Variants in TECRL observed in about 807,000 individuals in gnomAD.
TECRL encodes trans-2,3-enoyl-CoA reductase-like.
TECRL carries 63 observed loss-of-function variants against 52.8 expected under a neutral mutation model. The observed-to-expected ratio is 1.19, with a 90% CI of 0.97 to 1.47. TECRL has a LOEUF of 1.47. Ranked by LOEUF, TECRL falls within the 40% of genes most tolerant of loss-of-function variation. The probability of loss-of-function intolerance (pLI) is 0.00; values close to 1 mark genes in which losing one functional copy is unlikely to be tolerated. For synonymous variants in TECRL, 164 were observed against 141.9 expected (o/e 1.16, Z -1.10); for missense variants, 482 against 429.6 (o/e 1.12, Z -1.08).
At chr4:64,363,630 T>C (rs968605401) in intron 2 of TECRL, among the ~76,000 whole-genome samples, 1 of 152,124 alleles carries the variant, frequency 6.6e-6, no homozygotes, top group Non-Finnish European at 1.5e-5. Context: ...AAGTAACTTA[T>C]GGAATGCTGA....
intron 4 of TECRL, among the ~76,000 whole-genome samples, chr4:64,320,750 C>T (rs1717842374): frequency 6.6e-6 from 1 of 152,012 alleles, no homozygotes; most frequent in Non-Finnish European, 1.5e-5. Flanking sequence ...ATATTTTAAC[C>T]TTTGAAGACC....
chr4:64,287,298 A>T (rs915626781), intron 9 of TECRL, among the ~76,000 whole-genome samples: 1 of 152,162 alleles, frequency 6.6e-6, no homozygotes, highest in East Asian at 1.9e-4. Flanking sequence ...ACATATGCTT[A>T]TATTATAGCT....
At chr4:64,332,861 A>G (rs2110054524) in intron 2 of TECRL, among the ~76,000 whole-genome samples, 1 of 152,280 alleles carries the variant, frequency 6.6e-6, no homozygotes, top group East Asian at 1.9e-4. Flanking sequence ...ATGAAAAAGT[A>G]CATCATTCTA....
intron 3 of TECRL, among the ~76,000 whole-genome samples, chr4:64,325,408 T>C (rs1288167885): frequency 1.3e-5 from 2 of 152,142 alleles, no homozygotes; most frequent in Admixed American, 1.3e-4. Flanking sequence ...CAAAAGAAGA[T>C]GGAAGTGGCT....
intron 2 of TECRL, among the ~76,000 whole-genome samples, chr4:64,337,463 A>G (rs1226448224): frequency 1.3e-5 from 2 of 152,198 alleles, no homozygotes; most frequent in African/African-American, 2.4e-5. Flanking sequence ...AGGGTATTCA[A>G]TTAGGAAAAG....
At chr4:64,387,364 A>G (rs532560953) in intron 1 of TECRL, among the ~76,000 whole-genome samples, 1 of 152,310 alleles carries the variant, frequency 6.6e-6, no homozygotes, top group South Asian at 2.1e-4. Context: ...TGCAGCTGCC[A>G]TAAACATCTT....
chr4:64,340,019 A>G (rs1458753840), intron 2 of TECRL, among the ~76,000 whole-genome samples: 1 of 151,994 alleles, frequency 6.6e-6, no homozygotes, highest in African/African-American at 2.4e-5. Context: ...TTACTCAACT[A>G]TTTGACTTTC....
chr4:64,333,981 G>A (rs1370404944), intron 2 of TECRL, among the ~76,000 whole-genome samples: 2 of 107,634 alleles, frequency 1.9e-5, no homozygotes, highest in Non-Finnish European at 3.5e-5. Flanking sequence ...CCGAGATTGC[G>A]CCACTGCAGT....
At chr4:64,324,006 T>A in intron 3 of TECRL, among the ~76,000 whole-genome samples, 1 of 152,168 alleles carries the variant, frequency 6.6e-6, no homozygotes, top group East Asian at 1.9e-4. Context: ...TTCATGAGAT[T>A]GTTTGTGTAT....
At chr4:64,379,975 A>G (rs73230500) in intron 1 of TECRL, among the ~76,000 whole-genome samples, 2,300 of 152,082 alleles carry the variant, frequency 0.015, 69 homozygotes, top group African/African-American at 0.053. Flanking sequence ...GACACTCTCT[A>G]TTGTTTTCCA....
At chr4:64,382,304 ATAT>A (rs1722872964) in intron 1 of TECRL, among the ~76,000 whole-genome samples, 1 of 145,070 alleles carries the variant, frequency 6.9e-6, no homozygotes, top group Non-Finnish European at 1.5e-5. Flanking sequence ...ATTATACATT[ATAT>A]TATATATTAT....
At chr4:64,380,518 C>T (rs10866146) in intron 1 of TECRL, among the ~76,000 whole-genome samples, 151,761 of 152,194 alleles carry the variant, frequency 1, 75,664 homozygotes, top group South Asian at 1. Flanking sequence ...TTTCTTTTAG[C>T]AGTTTATGGT....
chr4:64,300,274 G>A (rs1723940366), intron 7 of TECRL, among the ~76,000 whole-genome samples: 1 of 150,198 alleles, frequency 6.7e-6, no homozygotes, highest in Admixed American at 6.7e-5. Flanking sequence ...TAAACTCCTT[G>A]AAGGCAGATT....
intron 1 of TECRL, among the ~76,000 whole-genome samples, chr4:64,394,012 A>C (rs1278528103): frequency 1.8e-4 from 27 of 152,136 alleles, no homozygotes; most frequent in Admixed American, 1.8e-3. Context: ...TTTGATAAGT[A>C]ATGTAATTTA....
At chr4:64,288,072 C>T (rs970015928) in intron 9 of TECRL, among the ~76,000 whole-genome samples, 9 of 151,588 alleles carry the variant, frequency 5.9e-5, no homozygotes, top group Admixed American at 3.3e-4. Context: ...CTTGAAACCG[C>T]TTAAAGGCAG....
intron 2 of TECRL, among the ~76,000 whole-genome samples, chr4:64,334,627 A>G (rs1411643314): frequency 6.6e-6 from 1 of 152,224 alleles, no homozygotes; most frequent in Non-Finnish European, 1.5e-5. Flanking sequence ...GAGTGCACTA[A>G]CACAATATAA....
Position 64,314,711 on chromosome 4 carries a change from A to G in TECRL, c.488T>C (p.Leu163Ser). 2 of 1,613,704 alleles carry G rather than the reference A, an allele frequency of 1.2e-6. No homozygotes were observed. The highest frequency in any genetic ancestry group is 1.7e-6 in the Non-Finnish European group (2 of 1,179,888). ...GPLLIYLLFY[L>S]RIPCIYDGKE... The stretch of plus-strand genomic sequence containing the variant: ...TCCATCATATATACATGGGATCCTC[A>G]AATAAAAGAGGAGGTATATTAGCAG... The change falls in exon 5 of 12, where the codon TTG becomes TCG. Residue 163 changes from leucine (L) to serine (S), a missense_variant. Transcript: ENST00000381210.
At chr4:64,366,462 T>C (rs2109638302) in intron 2 of TECRL, among the ~76,000 whole-genome samples, 1 of 152,072 alleles carries the variant, frequency 6.6e-6, no homozygotes. Context: ...AAACTATCAA[T>C]GAAGTGAATG....
At chr4:64,339,278 T>C (rs1719365874) in intron 2 of TECRL, among the ~76,000 whole-genome samples, 1 of 98,086 alleles carries the variant, frequency 1.0e-5, no homozygotes, top group Non-Finnish European at 1.9e-5. Context: ...CTCTGGGGCC[T>C]GTTGTGGGGT....
Sources: allele counts gnomAD v4.1 joint callset (sites outside exome capture counted in the v4.1 genomes callset), GRCh38; gene constraint gnomAD v4.1.1; transcripts MANE v1.5; gene names NCBI Gene and HGNC (gene_info 2026-07-23, HGNC 2026-07-21).